The following SH3TC2 variants were observed in gnomAD, a reference collection of about 807,000 sequenced individuals.
SH3TC2 encodes SH3 domain and tetratricopeptide repeat-containing protein 2.
In SH3TC2, 87 loss-of-function variants were observed where a neutral mutation model predicts 124.5. The observed-to-expected ratio is 0.70, with a 90% confidence interval of 0.59 to 0.84. The LOEUF is 0.84. Among genes scored for constraint, SH3TC2 ranks in the 40% least tolerant of loss-of-function variants. The probability of loss-of-function intolerance (pLI) is 0.00; values close to 1 mark genes in which losing one functional copy is unlikely to be tolerated. For synonymous variants in SH3TC2, 634 were observed against 628.5 expected (o/e 1.01, Z -0.13); for missense variants, 1,536 against 1,566.4 (o/e 0.98, Z 0.33).
At chr5:149,032,193 C>T (rs1163911025) in intron 8 of SH3TC2, among the ~76,000 whole-genome samples, 1 of 152,098 alleles carries the variant, frequency 6.6e-6, no homozygotes, top group African/African-American at 2.4e-5. Context: ...AATCTTTCAC[C>T]ATTGTTAAGG....
chr5:149,016,355 T>C (rs1463189380), intron 12 of SH3TC2, among the ~76,000 whole-genome samples: 6 of 152,220 alleles, frequency 3.9e-5, no homozygotes, highest in Non-Finnish European at 8.8e-5. Context: ...TTGGGAAGAC[T>C]TTTGTTTCAT....
intron 4 of SH3TC2, chr5:149,043,720 G>A (rs1049648124): frequency 1.5e-4 from 23 of 151,748 alleles, no homozygotes; most frequent in African/African-American, 5.3e-4. Flanking sequence ...GAATAGTGAG[G>A]ATGTCTGATG....
chr5:149,050,670 A>G (rs1754540546), intron 2 of SH3TC2, among the ~76,000 whole-genome samples: 1 of 152,210 alleles, frequency 6.6e-6, no homozygotes, highest in African/African-American at 2.4e-5. Context: ...CTCATTGTCA[A>G]CCAAGAAGTT....
rs535761742 is a variant in SH3TC2, at chr5:148,999,874, T to C, written c.*4837A>G. ...CAGGTAGAATCCAAACCCTCTTTGC[T>C]TCCCTGAATCTGCTCCAGCCTCACT... is the stretch of plus-strand genomic sequence containing the variant. On this transcript the variant is annotated 3_prime_UTR_variant, in exon 17 of 17. Transcript: ENST00000515425. Among the ~76,000 whole-genome samples, 1 of 143,944 alleles carries C rather than the reference T, an allele frequency of 6.9e-6. No homozygotes were observed. The highest frequency in any genetic ancestry group is 2.2e-4 in the South Asian group (1 of 4,608). The allele number at this position is 143,944 out of a possible 152,430, so 94.4% of individuals were successfully genotyped here. A position where few individuals can be genotyped will look rare whatever the true frequency, so the allele number is the denominator to read the frequency against.
Position 149,027,417 on chromosome 5 carries a change from G to A in SH3TC2, c.2315C>T (p.Ser772Phe). ...ILSKVYLEHR[S>F]PDGAIHYLSQ... Reference sequence around the variant, plus strand: ...CAGGTAGTGGATGGCACCGTCAGGAGACCTGTGCTCGAGGTACACTTTGGA... The same window carrying A: ...CAGGTAGTGGATGGCACCGTCAGGAAACCTGTGCTCGAGGTACACTTTGGA... The change falls in exon 11 of 17, where the codon TCT becomes TTT. Residue 772 changes from serine (S) to phenylalanine (F), a missense_variant. Physicochemically the swap from Ser to Phe is radical, Grantham distance 155. Coordinates refer to ENST00000515425, the MANE Select transcript of SH3TC2 (RefSeq NM_024577.4). The A allele has an allele frequency of 6.2e-7, 1 of 1,614,146 alleles. No individual in the cohort carries two copies. Among genetic ancestry groups the A allele is most frequent in the Non-Finnish European group, 8.5e-7 (1 of 1,180,052 alleles).
chr5:149,035,688 C>T (rs1015587412), intron 8 of SH3TC2: 2 of 152,166 alleles, frequency 1.3e-5, no homozygotes, highest in Non-Finnish European at 2.9e-5. Context: ...CCTTCGGTAC[C>T]AATTGTGCAA....
Position 149,058,173 on chromosome 5 carries a change from TTGATA to T in SH3TC2, c.52+4793_52+4797del, listed in dbSNP as rs1156652392. 9.2e-5 allele frequency among the ~76,000 whole-genome samples: 14 copies of T among 152,236 alleles called. 1 individual carries two copies. Among genetic ancestry groups the T allele is most frequent in the Admixed American group, 4.6e-4 (7 of 15,292 alleles). On this transcript the variant is annotated intron_variant, in intron 1 of 16. Coordinates refer to ENST00000515425, the MANE Select transcript of SH3TC2 (RefSeq NM_024577.4). Reference sequence around the variant, plus strand: ...TCAGTTATTAATCAATAAATTGCTTTTGATATAAGCTAGTTTTATTTTTATTATTA... The same window carrying T: ...TCAGTTATTAATCAATAAATTGCTTTTAAGCTAGTTTTATTTTTATTATTA...
chr5:149,006,075 A>AT (rs1422561903), intron 16 of SH3TC2: 1 of 152,518 alleles, frequency 6.6e-6, no homozygotes, highest in Non-Finnish European at 1.5e-5. Flanking sequence ...GACAGGCAAC[A>AT]TGATGAAACC....
rs1410280415 is a variant in SH3TC2 at position 148,987,192 on chromosome 5, CT to C, written c.*17518del. ...TAAATTATTTTAACCACTGTAACCC[CT>C]CTGTGGGGAGAGGAGAAAAAGCACA... On this transcript the variant is annotated 3_prime_UTR_variant, in exon 17 of 17. Coordinates refer to ENST00000515425, the MANE Select transcript of SH3TC2 (RefSeq NM_024577.4). Among the ~76,000 whole-genome samples the C allele has an allele frequency of 2.6e-5, 4 of 152,190 alleles. No individual in the cohort carries two copies. Among genetic ancestry groups the C allele is most frequent in the Non-Finnish European group, 4.4e-5 (3 of 68,036 alleles).
chr5:149,030,200 A>G (rs1046884363), intron 9 of SH3TC2, among the ~76,000 whole-genome samples: 1 of 152,138 alleles, frequency 6.6e-6, no homozygotes, highest in Admixed American at 6.5e-5. Flanking sequence ...CAAGTTACAA[A>G]ATGGTGTCCC....
Position 149,027,586 on chromosome 5 carries a change from G to A in SH3TC2, c.2146C>T (p.Gln716Ter), listed in dbSNP as rs1561764925. The change falls in exon 11 of 17, where the codon CAG becomes TAG. Residue 716 changes from glutamine to a stop codon, truncating the protein, a stop_gained. Coordinates refer to ENST00000515425, the MANE Select transcript of SH3TC2 (RefSeq NM_024577.4). LOFTEE classifies it high-confidence loss of function. ...AAGCCAAGGAGCTTGGTTGTGTTCT[G>A]GAGGACAAGGTGGACCTGCCAAATA... ...LPIWQVHLVL[Q>*]NTTKLLGFPS... The A allele has an allele frequency of 6.2e-7, 1 of 1,614,266 alleles. No homozygotes were observed. Among genetic ancestry groups the A allele is most frequent in the Admixed American group, 1.7e-5 (1 of 60,026 alleles).
intron 4 of SH3TC2, chr5:149,043,724 T>C (rs1754410882): frequency 6.6e-6 from 1 of 151,930 alleles, no homozygotes; most frequent in Non-Finnish European, 1.5e-5. Flanking sequence ...AGTGAGGATG[T>C]CTGATGGTCA....
chr5:149,052,119 G>C (rs1169676876), intron 2 of SH3TC2, 23 bp downstream of exon 2: 1 of 1,496,356 alleles, frequency 6.7e-7, no homozygotes. Flanking sequence ...GAAGAATAGG[G>C]CTTGTCTTTG....
intron 12 of SH3TC2, among the ~76,000 whole-genome samples, chr5:149,023,629 G>A (rs1754014851): frequency 7.4e-6 from 1 of 135,800 alleles, no homozygotes; most frequent in African/African-American, 2.9e-5. Flanking sequence ...TGTCACCCAG[G>A]CTGGAGTGCT....
Position 149,000,982 on chromosome 5 carries a change from G to T in SH3TC2, c.*3729C>A, listed in dbSNP as rs781729891. Among the ~76,000 whole-genome samples, 20 of 152,144 alleles carry T rather than the reference G, an allele frequency of 1.3e-4. No homozygotes were observed. Among genetic ancestry groups the T allele is most frequent in the Non-Finnish European group, 2.1e-4 (14 of 68,012 alleles). ...GGACAAATATCTGAGATGTGTAGAG[G>T]TTAAGTGACTTGCCCAAGGTCGCAC... On this transcript the variant is annotated 3_prime_UTR_variant, in exon 17 of 17. Transcript: ENST00000515425.
chr5:149,035,524 T>G (rs907835680), intron 8 of SH3TC2: 3 of 152,648 alleles, frequency 2.0e-5, no homozygotes, highest in African/African-American at 4.8e-5. Flanking sequence ...CTTGCTTGCG[T>G]GGAGTTGGGT....
At chr5:149,021,857 T>A (rs901516360) in intron 12 of SH3TC2, among the ~76,000 whole-genome samples, 1 of 143,472 alleles carries the variant, frequency 7.0e-6, no homozygotes, top group Admixed American at 7.1e-5. Context: ...TAAAGGAGAA[T>A]TAACACCAAT....
rs142040711 is a variant in SH3TC2 at position 149,010,469 on chromosome 5, G to A, written c.3205-77C>T. 1,935 of 1,592,136 alleles carry A rather than the reference G, an allele frequency of 1.2e-3. 3 individuals are homozygous for A. The highest frequency in any genetic ancestry group is 1.5e-3 in the Non-Finnish European group (1,759 of 1,166,926). ...TCCACAGGACTGGCAGAGCTAAGAC[G>A]CAGACCACCTAAATCAACTAATCCT... On this transcript the variant is annotated intron_variant, in intron 13 of 16. Coordinates refer to ENST00000515425, the MANE Select transcript of SH3TC2 (RefSeq NM_024577.4).
intron 12 of SH3TC2, among the ~76,000 whole-genome samples, chr5:149,020,111 C>CG (rs1753943666): frequency 1.1e-5 from 1 of 90,986 alleles, no homozygotes; most frequent in Admixed American, 1.5e-4. Flanking sequence ...AAGAAAAGGT[C>CG]AAACACACAC....
Sources: gnomAD v4.1 joint callset for allele counts (sites outside exome capture counted in the v4.1 genomes callset) on GRCh38, gnomAD v4.1.1 for gene constraint, MANE v1.5 for transcripts, NCBI Gene and HGNC (gene_info 2026-07-23, HGNC 2026-07-21) for gene names.